Variants in MDFIC2 observed in about 807,000 individuals in gnomAD.
MDFIC2 encodes the protein myoD family inhibitor domain-containing protein 2.
intron 2 of MDFIC2, among the ~76,000 whole-genome samples, chr3:70,215,193 A>G (rs1337247143): frequency 6.6e-6 from 1 of 152,112 alleles, no homozygotes; most frequent in Non-Finnish European, 1.5e-5. Flanking sequence ...TATTATTATC[A>G]TTATTACATG....
At chr3:70,290,075 C>T (rs1702216208) in intron 2 of MDFIC2, among the ~76,000 whole-genome samples, 1 of 152,198 alleles carries the variant, frequency 6.6e-6, no homozygotes, top group African/African-American at 2.4e-5. Flanking sequence ...AAGTCATTCT[C>T]CATCCAGCTT....
chr3:70,309,677 A>T (rs1014777621), intron 2 of MDFIC2, among the ~76,000 whole-genome samples: 2 of 152,242 alleles, frequency 1.3e-5, no homozygotes, highest in South Asian at 4.1e-4. Flanking sequence ...CTTTTTCTTA[A>T]CATTGAAAAA....
chr3:70,276,420 A>G (rs1256202523), intron 2 of MDFIC2, among the ~76,000 whole-genome samples: 3 of 152,206 alleles, frequency 2.0e-5, no homozygotes, highest in South Asian at 2.1e-4. Context: ...TGTAACAAAT[A>G]CCCATAACAA....
At chr3:70,272,649 G>T (rs1031250394) in intron 2 of MDFIC2, among the ~76,000 whole-genome samples, 1 of 152,124 alleles carries the variant, frequency 6.6e-6, no homozygotes, top group Non-Finnish European at 1.5e-5. Context: ...CGAATGGCAG[G>T]TGTATGTTTA....
chr3:70,293,852 C>T (rs1214170251), intron 2 of MDFIC2, among the ~76,000 whole-genome samples: 2 of 151,788 alleles, frequency 1.3e-5, no homozygotes, highest in South Asian at 4.2e-4. Context: ...ATCAACTTAC[C>T]ACTTTCAGTT....
At chr3:70,206,905 A>G in intron 2 of MDFIC2, 115 bp from the exon 3 acceptor site, 1 of 395,092 alleles carries the variant, frequency 2.5e-6, no homozygotes, top group Non-Finnish European at 4.5e-6. Flanking sequence ...GTCTTAAGAA[A>G]ACAAATGAAG....
chr3:70,199,690 A>G (rs1202878920), intron 3 of MDFIC2, among the ~76,000 whole-genome samples: 1 of 152,252 alleles, frequency 6.6e-6, no homozygotes, highest in East Asian at 1.9e-4. Flanking sequence ...TCAGGGGAAA[A>G]TTTGCAACTG....
At chr3:70,218,703 A>G (rs1375261479) in intron 2 of MDFIC2, among the ~76,000 whole-genome samples, 1 of 152,116 alleles carries the variant, frequency 6.6e-6, no homozygotes, top group Non-Finnish European at 1.5e-5. Flanking sequence ...ATGCATATTT[A>G]TGTCACTTAA....
chr3:70,285,329 T>C (rs562812159), intron 2 of MDFIC2, among the ~76,000 whole-genome samples: 19 of 151,708 alleles, frequency 1.3e-4, no homozygotes, highest in Admixed American at 5.2e-4. Context: ...GTTCTTGCGA[T>C]AGTTTACTGA....
At chr3:70,270,172 G>A (rs937115584) in intron 2 of MDFIC2, among the ~76,000 whole-genome samples, 6 of 152,096 alleles carry the variant, frequency 3.9e-5, no homozygotes, top group African/African-American at 1.4e-4. Context: ...ACGTAGACAA[G>A]TAGAATAGAC....
In MDFIC2 at chr3:70,238,252, T is replaced by C. The variant is rs552582038; in HGVS notation, c.89-31462A>G. Among the ~76,000 whole-genome samples the C allele has an allele frequency of 5.7e-3, 870 of 151,998 alleles. 10 individuals are homozygous for C. Among genetic ancestry groups the C allele is most frequent in the Non-Finnish European group, 0.01 (686 of 67,982 alleles). On this transcript the variant is annotated intron_variant, in intron 2 of 3. Transcript: ENST00000567252. ...TGGGAGTAACAGTTCTCTCCTTCTA[T>C]GTAAGGTGTAAACACTATTTGGGCT...
chr3:70,220,324 G>C (rs1170227053), intron 2 of MDFIC2, among the ~76,000 whole-genome samples: 1 of 152,050 alleles, frequency 6.6e-6, no homozygotes, highest in Non-Finnish European at 1.5e-5. Flanking sequence ...CCAGTGCTTT[G>C]GGAGGCCGAG....
At chr3:70,297,742 A>C (rs973905602) in intron 2 of MDFIC2, among the ~76,000 whole-genome samples, 1 of 152,036 alleles carries the variant, frequency 6.6e-6, no homozygotes, top group African/African-American at 2.4e-5. Context: ...ATGTGTTAAG[A>C]AGTCAGGTAA....
chr3:70,213,932 C>G (rs1011479807), intron 2 of MDFIC2, among the ~76,000 whole-genome samples: 5 of 151,986 alleles, frequency 3.3e-5, no homozygotes, highest in African/African-American at 1.2e-4. Context: ...GATTTCTTGA[C>G]ATTGAGAAAA....
At chr3:70,301,018 C>T (rs531386964) in intron 2 of MDFIC2, among the ~76,000 whole-genome samples, 47 of 152,090 alleles carry the variant, frequency 3.1e-4, no homozygotes, top group African/African-American at 1.1e-3. Context: ...CCTTATTATC[C>T]ATTAAGTACC....
chr3:70,236,177 T>C (rs1701606972), intron 2 of MDFIC2, among the ~76,000 whole-genome samples: 1 of 152,208 alleles, frequency 6.6e-6, no homozygotes, highest in Non-Finnish European at 1.5e-5. Flanking sequence ...CATAGATGAC[T>C]GCTAAATCCA....
At chr3:70,259,942 G>A (rs6549312) in intron 2 of MDFIC2, among the ~76,000 whole-genome samples, 150,335 of 152,210 alleles carry the variant, frequency 0.99, 74,254 homozygotes, top group Non-Finnish European at 1. Context: ...AAGGGGAAAG[G>A]GGCACTTATA....
At chr3:70,299,867 T>G (rs536042251) in intron 2 of MDFIC2, among the ~76,000 whole-genome samples, 6 of 152,246 alleles carry the variant, frequency 3.9e-5, no homozygotes, top group Non-Finnish European at 8.8e-5. Flanking sequence ...GTTTACACTC[T>G]TCAACCTAAC....
At chr3:70,257,969 A>G (rs1180028187) in intron 2 of MDFIC2, among the ~76,000 whole-genome samples, 1 of 152,236 alleles carries the variant, frequency 6.6e-6, no homozygotes, top group African/African-American at 2.4e-5. Flanking sequence ...TCGGAAATAA[A>G]GCTATGTAAC....
Sources: allele counts gnomAD v4.1 joint callset (sites outside exome capture counted in the v4.1 genomes callset), GRCh38; gene constraint gnomAD v4.1.1; transcripts MANE v1.5; gene names NCBI Gene and HGNC (gene_info 2026-07-23, HGNC 2026-07-21).